The following TCF25 variants were observed in gnomAD, a reference collection of about 807,000 sequenced individuals.
TCF25 encodes TCF25 ribosome quality control complex subunit.
A neutral mutation model predicts 83.1 loss-of-function variants in TCF25; 41 were observed. The ratio of observed to expected loss-of-function variants is 0.49; its 90% CI spans 0.38 to 0.64. The LOEUF (loss-of-function observed/expected upper bound fraction) is 0.64. Ranked by LOEUF, TCF25 falls within the 30% of genes least tolerant of loss-of-function variation. The probability of loss-of-function intolerance (pLI) is 0.00; values close to 1 mark genes in which losing one functional copy is unlikely to be tolerated. For synonymous variants in TCF25, 458 were observed against 365.0 expected (o/e 1.25, Z -2.90); for missense variants, 979 against 914.5 (o/e 1.07, Z -0.91).
intron 3 of TCF25, among the ~76,000 whole-genome samples, 171 bp from the exon 4 acceptor site, chr16:89,885,677 A>G (rs1174371988): frequency 2.0e-5 from 3 of 152,278 alleles, no homozygotes; most frequent in East Asian, 1.9e-4. Context: ...CTTAGGAAAC[A>G]TCTCTTCTTT....
rs1164647711 is a variant in TCF25, at chr16:89,893,608, G to A, written c.698-120G>A. The A allele has an allele frequency of 6.0e-6, 9 of 1,498,256 alleles. No individual in the cohort carries two copies. In the Admixed American group the frequency reaches 1.4e-4, roughly 24 times the overall value. The allele number at this position is 1,498,256 out of a possible 1,614,324, so 92.8% of individuals were successfully genotyped here. On this transcript the variant is annotated intron_variant, in intron 6 of 17. Coordinates refer to ENST00000263346, the MANE Select transcript of TCF25 (RefSeq NM_014972.3). Reference sequence around the variant, plus strand: ...GGTGACACCCATGAGTACACACTCAGGTCAAGTTTGTCGATATCGCAGAGG... The same window carrying A: ...GGTGACACCCATGAGTACACACTCAAGTCAAGTTTGTCGATATCGCAGAGG...
In TCF25 at chr16:89,905,052, A is replaced by G. The variant is rs768565407; in HGVS notation, c.1584A>G (p.Gln528=). 4.4e-6 allele frequency: 7 copies of G among 1,603,978 alleles called. No homozygotes were observed. In the South Asian group the frequency reaches 6.7e-5, roughly 15 times the overall value. The change falls in exon 14 of 18, where the codon CAA becomes CAG. Residue 528 remains glutamine, a synonymous_variant. Transcript: ENST00000263346. ...AGGAGAACGTCCACGAGGTTCTGCA[A>G]GCAGTGGACGCCGGGGACCCAGCCG... ...WLEENVHEVL[Q]AVDAGDPAVE...
intron 1 of TCF25, among the ~76,000 whole-genome samples, chr16:89,880,543 G>T (rs1324064955): frequency 6.6e-6 from 1 of 151,666 alleles, no homozygotes; most frequent in South Asian, 2.1e-4. Flanking sequence ...AAGATCATGC[G>T]ATTGCTCTCC....
intron 3 of TCF25, among the ~76,000 whole-genome samples, chr16:89,885,191 C>T (rs191886977): frequency 4.6e-5 from 7 of 152,308 alleles, no homozygotes; most frequent in Admixed American, 2.6e-4. Context: ...TATTTTTATT[C>T]CTTCCTATTA....
chr16:89,898,963 G>T, intron 11 of TCF25, 91 bp downstream of exon 11: 2 of 1,252,970 alleles, frequency 1.6e-6, no homozygotes, highest in Non-Finnish European at 2.3e-6. Flanking sequence ...CTCAGGGGAC[G>T]TTTGGGGATG....
At chr16:89,884,004 C>G (rs1034415932) in intron 2 of TCF25, 2 of 166,392 alleles carry the variant, frequency 1.2e-5, no homozygotes, top group African/African-American at 4.8e-5. Flanking sequence ...AAGAGGGGCC[C>G]TAAAAGGAGA....
chr16:89,903,198 G>T (rs1215279093), intron 12 of TCF25, among the ~76,000 whole-genome samples: 1 of 152,238 alleles, frequency 6.6e-6, no homozygotes, highest in East Asian at 1.9e-4. Context: ...AGGCAGGTGG[G>T]CTGCCAAGAA....
At chr16:89,881,515 G>T (rs907102375) in intron 1 of TCF25, among the ~76,000 whole-genome samples, 1 of 134,874 alleles carries the variant, frequency 7.4e-6, no homozygotes, top group Admixed American at 7.4e-5. Context: ...GTGTGATCAT[G>T]GCTCACTCCA....
chr16:89,880,305 C>T (rs749047891), intron 1 of TCF25, among the ~76,000 whole-genome samples: 8 of 152,074 alleles, frequency 5.3e-5, no homozygotes, highest in Non-Finnish European at 8.8e-5. Context: ...GGGTGTTGGC[C>T]GGGCGCGGTG....
At position 89,896,100 on chromosome 16, in the gene TCF25, T is replaced by G. The variant is rs1360978198; in HGVS notation, c.1022+17T>G. ...CGAGAACAGGTGAGTGCAGCTGCCC[T>G]GGAGGTGACGCAGCTCCCCTTCCCT... On this transcript the variant is annotated intron_variant, in intron 9 of 17. Coordinates refer to ENST00000263346, the MANE Select transcript of TCF25 (RefSeq NM_014972.3). 1 of 1,610,960 alleles carries G rather than the reference T, an allele frequency of 6.2e-7. No individual in the cohort carries two copies. The highest frequency in any genetic ancestry group is 1.3e-5 in the African/African-American group (1 of 75,000).
chr16:89,907,787 A>T (rs1281572242), intron 16 of TCF25, among the ~76,000 whole-genome samples: 1 of 1,952 alleles, frequency 5.1e-4, no homozygotes, highest in Non-Finnish European at 8.7e-4. Flanking sequence ...CCCACCTCCC[A>T]CCTCCCAGCT....
At chr16:89,899,252 G>A (rs544350743) in intron 11 of TCF25, among the ~76,000 whole-genome samples, 1 of 152,304 alleles carries the variant, frequency 6.6e-6, no homozygotes, top group Non-Finnish European at 1.5e-5. Context: ...GGTTGCGTGG[G>A]GCTGACACAG....
At chr16:89,897,263 A>G (rs1179269074) in intron 9 of TCF25, among the ~76,000 whole-genome samples, 1 of 152,210 alleles carries the variant, frequency 6.6e-6, no homozygotes, top group African/African-American at 2.4e-5. Context: ...TCTTTCAGAT[A>G]CTTCTGCCCC....
At chr16:89,894,054 T>C in intron 7 of TCF25, 196 bp downstream of exon 7, 1 of 764,518 alleles carries the variant, frequency 1.3e-6, no homozygotes, top group Non-Finnish European at 2.0e-6. Flanking sequence ...CCAAGCGAGC[T>C]CCATCCATAC....
chr16:89,877,164 T>C (rs1257503608), intron 1 of TCF25, among the ~76,000 whole-genome samples: 2 of 152,158 alleles, frequency 1.3e-5, no homozygotes, highest in Non-Finnish European at 2.9e-5. Context: ...TGTCTATTTC[T>C]ACTTTCAACC....
chr16:89,884,942 C>G (rs1156674739), intron 3 of TCF25, among the ~76,000 whole-genome samples: 1 of 89,340 alleles, frequency 1.1e-5, no homozygotes, highest in African/African-American at 6.9e-5. Context: ...CTGCCTGACG[C>G]CCTCTCCCTC....
intron 1 of TCF25, 53 bp downstream of exon 1, chr16:89,873,912 G>C (rs1481598264): frequency 6.9e-7 from 1 of 1,455,090 alleles, no homozygotes. Flanking sequence ...ACGTTGTGGG[G>C]CGGGGCGAGC....
chr16:89,908,438 C>G (rs1327431768), intron 16 of TCF25, among the ~76,000 whole-genome samples: 2 of 149,534 alleles, frequency 1.3e-5, no homozygotes, highest in African/African-American at 5.0e-5. Context: ...CAGTTCCCAC[C>G]TCCTTCCTCG....
chr16:89,874,073 T>G (rs1404973534), intron 1 of TCF25, among the ~76,000 whole-genome samples: 2 of 133,268 alleles, frequency 1.5e-5, no homozygotes, highest in Non-Finnish European at 3.1e-5. Context: ...GCCGCGGAGT[T>G]AGACTGGGTT....
Sources: gnomAD v4.1 joint callset for allele counts (sites outside exome capture counted in the v4.1 genomes callset) on GRCh38, gnomAD v4.1.1 for gene constraint, MANE v1.5 for transcripts, NCBI Gene and HGNC (gene_info 2026-07-23, HGNC 2026-07-21) for gene names.